The following SMARCC2 variants were observed in gnomAD, a reference collection of about 807,000 sequenced individuals.
SMARCC2 encodes the protein SWI/SNF complex subunit SMARCC2.
SMARCC2 carries 15 observed loss-of-function variants against 151.3 expected under a neutral mutation model. The ratio of observed to expected loss-of-function variants is 0.10; its 90% CI spans 0.07 to 0.15. The LOEUF (loss-of-function observed/expected upper bound fraction) is 0.15, where lower values mean the gene tolerates loss of function less well. Ranked by LOEUF, SMARCC2 falls within the 10% of genes least tolerant of loss-of-function variation. SMARCC2 has a pLI of 1.00. For missense variants in SMARCC2, 1,031 were observed against 1,599.7 expected (o/e 0.64, Z 6.06); for synonymous variants, 590 against 609.5 (o/e 0.97, Z 0.47).
chr12:56,189,314 C>A, intron 1 of SMARCC2, 37 bp downstream of exon 1: 1 of 1,351,110 alleles, frequency 7.4e-7, no homozygotes, highest in East Asian at 2.8e-5. Flanking sequence ...CTTTGTCCCG[C>A]CCCCGGTCCC....
Position 56,187,945 on chromosome 12 carries a change from G to A in SMARCC2, c.112-639C>T, listed in dbSNP as rs561809276. The stretch of plus-strand genomic sequence containing the variant: ...ACTGTATCTGAGACAAGTAACCCTG[G>A]CCCTACTTCTATGTTTCCACACTCT... On this transcript the variant is annotated intron_variant, in intron 1 of 28. Coordinates refer to ENST00000550164, the MANE Select transcript of SMARCC2 (RefSeq NM_001330288.2). Among the ~76,000 whole-genome samples, 36 of 152,248 alleles carry A rather than the reference G, an allele frequency of 2.4e-4. No homozygotes were observed. The South Asian group carries it at 7.5e-3, about 32-fold the overall frequency.
At chr12:56,167,633 T>C (rs1026525040) in intron 26 of SMARCC2, among the ~76,000 whole-genome samples, 7 of 152,114 alleles carry the variant, frequency 4.6e-5, no homozygotes, top group Non-Finnish European at 1.0e-4. Flanking sequence ...GTTACGCCCA[T>C]TCACTCAATC....
At chr12:56,188,381 A>G (rs1470961203) in intron 1 of SMARCC2, among the ~76,000 whole-genome samples, 1 of 152,216 alleles carries the variant, frequency 6.6e-6, no homozygotes, top group Non-Finnish European at 1.5e-5. Context: ...TAAGCCACTA[A>G]GCACACTTCT....
chr12:56,173,297 T>A (rs1278360823), intron 17 of SMARCC2, among the ~76,000 whole-genome samples: 1 of 152,176 alleles, frequency 6.6e-6, no homozygotes, highest in Non-Finnish European at 1.5e-5. Context: ...CCACATAACC[T>A]TCTTCCTAAT....
At chr12:56,178,766 T>C in intron 13 of SMARCC2, 44 bp downstream of exon 13, 2 of 1,592,682 alleles carry the variant, frequency 1.3e-6, no homozygotes, top group Non-Finnish European at 1.7e-6. Flanking sequence ...TAATCACAAA[T>C]CAGAATCACA....
chr12:56,178,983 G>T lies in SMARCC2; in HGVS notation c.1141+14C>A. 4 of 1,613,904 alleles carry T rather than the reference G, an allele frequency of 2.5e-6. No homozygotes were observed. Among genetic ancestry groups the T allele is most frequent in the Non-Finnish European group, 3.4e-6 (4 of 1,179,782 alleles). On this transcript the variant is annotated intron_variant, in intron 12 of 28. Transcript: ENST00000550164. ...TTGGCTCTGACTGCCGTGCCCAAGA[G>T]GCTCCTGTCTTACCCAGGTCGGTCA...
chr12:56,180,258 G>A lies in SMARCC2; in HGVS notation c.1081+719C>T, dbSNP rs188386538. ...TGAGTAGCTAGGACTACAGGCACCC[G>A]CCACCACGCTCAGCTAATTTTTTTG... On this transcript the variant is annotated intron_variant, in intron 11 of 28. Transcript: ENST00000550164. Among the ~76,000 whole-genome samples the A allele has an allele frequency of 3.4e-3, 515 of 149,452 alleles. 5 individuals are homozygous for A. The highest frequency in any genetic ancestry group is 0.012 in the African/African-American group (495 of 40,518).
At chr12:56,166,070 A>G (rs1872717963) in intron 26 of SMARCC2, among the ~76,000 whole-genome samples, 1 of 152,250 alleles carries the variant, frequency 6.6e-6, no homozygotes, top group Admixed American at 6.5e-5. Flanking sequence ...TTAGGAAGCT[A>G]TCCCAGATCA....
At chr12:56,165,790 C>A (rs555629129) in intron 26 of SMARCC2, 91 bp from the exon 27 acceptor site, 16 of 1,313,418 alleles carry the variant, frequency 1.2e-5, no homozygotes, top group African/African-American at 2.9e-5. Flanking sequence ...TCTGAAAGAG[C>A]CTGCCTCTCA....
chr12:56,174,583 C>T, intron 16 of SMARCC2, 68 bp downstream of exon 16: 1 of 1,001,478 alleles, frequency 1.0e-6, no homozygotes, highest in Admixed American at 1.7e-5. Flanking sequence ...GGCATCTCTA[C>T]TGTTGCCAAA....
chr12:56,187,716 G>A (rs1877523088), intron 1 of SMARCC2, among the ~76,000 whole-genome samples: 1 of 152,190 alleles, frequency 6.6e-6, no homozygotes, highest in Admixed American at 6.5e-5. Flanking sequence ...GGGGAACTCT[G>A]TAAAGCCATG....
At chr12:56,189,215 G>A (rs1488783683) in intron 1 of SMARCC2, 136 bp downstream of exon 1, 6 of 380,508 alleles carry the variant, frequency 1.6e-5, no homozygotes, top group Non-Finnish European at 2.7e-5. Context: ...GCGCAGGAGG[G>A]CGCGCGGGGG....
rs368029303 is a variant in SMARCC2, at chr12:56,163,657, G to A, written c.*32C>T. ...GTTCCTGGAACCGTGATGTCCACAGGGGGTGAGGGGGAGAGATGTCTGGCT... is the reference window on the plus strand; with the variant it reads ...GTTCCTGGAACCGTGATGTCCACAGAGGGTGAGGGGGAGAGATGTCTGGCT... On this transcript the variant is annotated 3_prime_UTR_variant, in exon 29 of 29. Transcript: ENST00000550164. The A allele has an allele frequency of 7.5e-7, 1 of 1,338,470 alleles. No individual in the cohort carries two copies. The highest frequency in any genetic ancestry group is 1.0e-6 in the Non-Finnish European group (1 of 993,038). 82.9% of individuals were successfully genotyped at this position (1,338,470 alleles called of 1,614,324 possible).
Position 56,171,175 on chromosome 12 carries a change from T to C in SMARCC2, c.2347+96A>G. On this transcript the variant is annotated intron_variant, in intron 22 of 28. Transcript: ENST00000550164. This position sits in a 1 kb window ranked among gnomAD's most constrained non-coding sequence, Gnocchi z 4.2. The stretch of plus-strand genomic sequence containing the variant: ...CCTACCAATGTTCTCATTCATGTTG[T>C]GCTCTAATGCCAACTTGAGGCAGAA... 1.7e-6 allele frequency: 2 copies of C among 1,202,770 alleles called. No homozygotes were observed. Among genetic ancestry groups the C allele is most frequent in the Non-Finnish European group, 2.4e-6 (2 of 823,382 alleles). 74.5% of individuals were successfully genotyped at this position (1,202,770 alleles called of 1,614,324 possible).
At chr12:56,170,286 T>TAG in intron 22 of SMARCC2, 78 bp from the exon 23 acceptor site, 1 of 1,273,486 alleles carries the variant, frequency 7.9e-7, no homozygotes, top group Non-Finnish European at 1.1e-6. Flanking sequence ...TCTTTTTTTT[T>TAG]AGAGACAGGG....
chr12:56,176,338 G>A (rs1474340910), intron 15 of SMARCC2, among the ~76,000 whole-genome samples: 1 of 152,230 alleles, frequency 6.6e-6, no homozygotes, highest in African/African-American at 2.4e-5. Context: ...CCAGAGAGGG[G>A]AAGCTGTGGA....
chr12:56,187,097 A>G, intron 2 of SMARCC2, 90 bp downstream of exon 2: 1 of 1,402,916 alleles, frequency 7.1e-7, no homozygotes, highest in Non-Finnish European at 9.7e-7. Context: ...AAAATTACAA[A>G]ATTCACAAAT....
At chr12:56,178,147 GC>G in intron 14 of SMARCC2, 54 bp from the exon 15 acceptor site, 1 of 1,445,786 alleles carries the variant, frequency 6.9e-7, no homozygotes, top group Non-Finnish European at 9.6e-7. Context: ...AGGGATGGGG[GC>G]CCCAAAGGGA....
intron 15 of SMARCC2, among the ~76,000 whole-genome samples, chr12:56,176,318 G>A (rs911625862): frequency 3.3e-4 from 50 of 152,188 alleles, no homozygotes; most frequent in African/African-American, 1.2e-3. Context: ...GAAAAAACAC[G>A]GAGGGACCCC....
Sources: gnomAD v4.1 joint callset for allele counts (sites outside exome capture counted in the v4.1 genomes callset) on GRCh38, gnomAD v4.1.1 for gene constraint, Gnocchi (gnomAD v3.1) non-coding constraint, MANE v1.5 for transcripts, NCBI Gene and HGNC (gene_info 2026-07-23, HGNC 2026-07-21) for gene names.